Variants in DOCK4 observed in about 807,000 individuals in gnomAD.
DOCK4 encodes dedicator of cytokinesis 4.
DOCK4 carries 97 observed loss-of-function variants against 268.1 expected under a neutral mutation model. The observed-to-expected ratio is 0.36, with a 90% CI of 0.31 to 0.43. The LOEUF (loss-of-function observed/expected upper bound fraction) is 0.43, where lower values mean the gene tolerates loss of function less well. Ranked by LOEUF, DOCK4 falls within the 20% of genes least tolerant of loss-of-function variation. The pLI is 1.00. For synonymous variants in DOCK4, 954 were observed against 887.2 expected, an observed-to-expected ratio of 1.08 and a Z score of -1.34; for missense variants, 2,145 against 2,455.7, an observed-to-expected ratio of 0.87 and a Z score of 2.67.
At chr7:112,110,080 C>A (rs1211612393) in intron 1 of DOCK4, among the ~76,000 whole-genome samples, 2 of 152,182 alleles carry the variant, frequency 1.3e-5, no homozygotes, top group Non-Finnish European at 2.9e-5. Context: ...GTATCCATAG[C>A]AAAGTCATTT....
At chr7:111,963,299 G>A (rs981825003) in intron 8 of DOCK4, among the ~76,000 whole-genome samples, 1 of 146,140 alleles carries the variant, frequency 6.8e-6, no homozygotes, top group African/African-American at 2.6e-5. Context: ...GAGGTACCGG[G>A]TTCATCTCAC....
At chr7:112,043,138 C>G (rs1353253012) in intron 1 of DOCK4, among the ~76,000 whole-genome samples, 1 of 151,948 alleles carries the variant, frequency 6.6e-6, no homozygotes, top group Non-Finnish European at 1.5e-5. Flanking sequence ...AGACAATGAA[C>G]TAAGACAGGC....
At chr7:112,195,997 C>G (rs1820390243) in intron 1 of DOCK4, among the ~76,000 whole-genome samples, 1 of 152,140 alleles carries the variant, frequency 6.6e-6, no homozygotes. Context: ...ATGTCATGCT[C>G]TCCCCTCTTC....
intron 8 of DOCK4, among the ~76,000 whole-genome samples, chr7:111,960,131 T>A (rs1305166173): frequency 6.6e-6 from 1 of 151,982 alleles, no homozygotes; most frequent in Non-Finnish European, 1.5e-5. Context: ...TTTCGGAGGC[T>A]GAGGTGGGAG....
intron 1 of DOCK4, among the ~76,000 whole-genome samples, chr7:112,199,879 T>C (rs1384934970): frequency 6.6e-6 from 1 of 152,248 alleles, no homozygotes; most frequent in Non-Finnish European, 1.5e-5. Context: ...ATACAAGTAC[T>C]AAAAGAGAAA....
chr7:111,791,083 TATATATATATATATATAA>T (rs1440632808), intron 30 of DOCK4, among the ~76,000 whole-genome samples: 5 of 139,440 alleles, frequency 3.6e-5, no homozygotes, highest in African/African-American at 1.1e-4. Context: ...TATATATATA[TATATATATATATATATAA>T]AATAAATCAT....
intron 52 of DOCK4, among the ~76,000 whole-genome samples, chr7:111,731,138 G>A (rs1470110836): frequency 6.6e-6 from 1 of 152,162 alleles, no homozygotes; most frequent in Non-Finnish European, 1.5e-5. Context: ...AATAACAGCT[G>A]CATTACAGAA....
At chr7:112,172,222 A>G (rs1256599104) in intron 1 of DOCK4, among the ~76,000 whole-genome samples, 1 of 149,860 alleles carries the variant, frequency 6.7e-6, no homozygotes, top group Admixed American at 6.6e-5. Flanking sequence ...GGGATTCTTA[A>G]TAGCAATTTG....
At chr7:112,087,903 T>C (rs1005992070) in intron 1 of DOCK4, among the ~76,000 whole-genome samples, 1 of 152,096 alleles carries the variant, frequency 6.6e-6, no homozygotes, top group African/African-American at 2.4e-5. Flanking sequence ...GGCATGCAGG[T>C]GGGAGATTTG....
intron 22 of DOCK4, among the ~76,000 whole-genome samples, chr7:111,867,452 T>TA (rs111656859): frequency 6.6e-5 from 10 of 151,934 alleles, no homozygotes; most frequent in African/African-American, 2.2e-4. Context: ...ATCCTGTTCT[T>TA]AAAAAAAACA....
At chr7:111,825,810 G>GTTCAAGTAAGAGAGAGT (rs1802346882) in intron 26 of DOCK4, among the ~76,000 whole-genome samples, 1 of 152,130 alleles carries the variant, frequency 6.6e-6, no homozygotes, top group South Asian at 2.1e-4. Context: ...TAAGAGAGAG[G>GTTCAAGTAAGAGAGAGT]TTCAAGTAAG....
At chr7:112,119,846 T>C (rs116452763) in intron 1 of DOCK4, among the ~76,000 whole-genome samples, 1 of 150,790 alleles carries the variant, frequency 6.6e-6, no homozygotes, top group African/African-American at 2.4e-5. Flanking sequence ...AATGGGTAGA[T>C]GGCTTTTTTT....
At chr7:111,990,000 T>G (rs954719664) in intron 5 of DOCK4, among the ~76,000 whole-genome samples, 2 of 152,240 alleles carry the variant, frequency 1.3e-5, no homozygotes, top group African/African-American at 2.4e-5. Context: ...AACTTCAATC[T>G]GAATTTCAGT....
At chr7:111,764,389 T>C (rs1408573929) in intron 39 of DOCK4, among the ~76,000 whole-genome samples, 1 of 152,246 alleles carries the variant, frequency 6.6e-6, no homozygotes, top group East Asian at 1.9e-4. Flanking sequence ...ACTAAAGTTG[T>C]AACAATTGAT....
chr7:111,792,265 T>C (rs564410343), intron 30 of DOCK4, among the ~76,000 whole-genome samples: 1 of 152,332 alleles, frequency 6.6e-6, no homozygotes, highest in South Asian at 2.1e-4. Context: ...CACTTAGAAT[T>C]TACAAGTTGG....
chr7:111,862,694 G>T (rs1022285258), intron 23 of DOCK4, among the ~76,000 whole-genome samples: 3 of 151,876 alleles, frequency 2.0e-5, no homozygotes, highest in Non-Finnish European at 4.4e-5. Context: ...GTTTCACCAT[G>T]TTGGCCAGGC....
At chr7:111,757,467 G>T (rs1348961967) in intron 41 of DOCK4, among the ~76,000 whole-genome samples, 1 of 152,132 alleles carries the variant, frequency 6.6e-6, no homozygotes, top group Admixed American at 6.6e-5. Flanking sequence ...TCATCAACTA[G>T]CTATATCTTC....
intron 30 of DOCK4, among the ~76,000 whole-genome samples, chr7:111,806,539 G>A (rs145272330): frequency 6.6e-6 from 1 of 152,150 alleles, no homozygotes; most frequent in Admixed American, 6.5e-5. Context: ...GTCATGCTGG[G>A]AATCTGTAAG....
chr7:112,113,323 ACT>A (rs1811835640), intron 1 of DOCK4, among the ~76,000 whole-genome samples: 1 of 152,152 alleles, frequency 6.6e-6, no homozygotes, highest in Admixed American at 6.5e-5. Flanking sequence ...GGAGAGGGCA[ACT>A]CTGCACAAGA....
Sources: gnomAD v4.1 joint callset for allele counts (sites outside exome capture counted in the v4.1 genomes callset) on GRCh38, gnomAD v4.1.1 for gene constraint, MANE v1.5 for transcripts, NCBI Gene and HGNC (gene_info 2026-07-23, HGNC 2026-07-21) for gene names.